ATXN10: variants seen among roughly 807,000 people sequenced by gnomAD.
ATXN10 encodes ataxin-10.
In ATXN10, 28 loss-of-function variants were observed where a neutral mutation model predicts 52.9. The observed-to-expected ratio is 0.53, with a 90% confidence interval of 0.39 to 0.73. The LOEUF (loss-of-function observed/expected upper bound fraction) is 0.73. Among genes scored for constraint, ATXN10 ranks in the 30% least tolerant of loss-of-function variants. The pLI is 0.00. For missense variants in ATXN10, 565 were observed against 577.0 expected, an observed-to-expected ratio of 0.98 and a Z score of 0.21; for synonymous variants, 226 against 221.5, an observed-to-expected ratio of 1.02 and a Z score of -0.18.
At chr22:45,685,041 T>C (rs1923080258) in intron 1 of ATXN10, among the ~76,000 whole-genome samples, 1 of 151,898 alleles carries the variant, frequency 6.6e-6, no homozygotes, top group Non-Finnish European at 1.5e-5. Flanking sequence ...TTAGAATAAA[T>C]CTTTTAACAA....
At position 45,681,662 on chromosome 22, in the gene ATXN10, A is replaced by G. The variant is rs1324637359; in HGVS notation, c.117-8050A>G. Among the ~76,000 whole-genome samples, 1 of 152,202 alleles carries G rather than the reference A, an allele frequency of 6.6e-6. No homozygotes were observed. Among genetic ancestry groups the G allele is most frequent in the African/African-American group, 2.4e-5 (1 of 41,452 alleles). ...TTTGCGACAGTACCCAAATAGCTGA[A>G]CAAGGCTAGAGAAAAACATACAGCC... On this transcript the variant is annotated intron_variant, in intron 1 of 11. Transcript: ENST00000252934. This position sits in a 1 kb window ranked among gnomAD's most constrained non-coding sequence, Gnocchi z 4.2.
At chr22:45,817,641 T>G (rs6007166) in intron 10 of ATXN10, among the ~76,000 whole-genome samples, 5,991 of 152,006 alleles carry the variant, frequency 0.039, 431 homozygotes, top group African/African-American at 0.14. Context: ...TTTTTTTTTT[T>G]AAGTTGTATA....
chr22:45,687,530 G>A (rs1182202308), intron 1 of ATXN10, among the ~76,000 whole-genome samples: 1 of 152,170 alleles, frequency 6.6e-6, no homozygotes, highest in Non-Finnish European at 1.5e-5. Context: ...GAAAAGAGAG[G>A]CGTTATTGAA....
chr22:45,707,976 G>T (rs1924106086), intron 5 of ATXN10, among the ~76,000 whole-genome samples: 1 of 152,032 alleles, frequency 6.6e-6, no homozygotes, highest in Non-Finnish European at 1.5e-5. Flanking sequence ...AAAACTACAT[G>T]GTCTTAGAAT....
rs1465655404 is a variant in ATXN10 at position 45,684,902 on chromosome 22, G to A, written c.117-4810G>A. 6.6e-6 allele frequency among the ~76,000 whole-genome samples: 1 copy of A among 152,150 alleles called. No homozygotes were observed. Among genetic ancestry groups the A allele is most frequent in the East Asian group, 1.9e-4 (1 of 5,196 alleles). Reference sequence around the variant, plus strand: ...TGCCCAGTCAAATCAGCAAGATTATGGTTTTAGATAACAACCAGTGATTGT... The same window carrying A: ...TGCCCAGTCAAATCAGCAAGATTATAGTTTTAGATAACAACCAGTGATTGT... On this transcript the variant is annotated intron_variant, in intron 1 of 11. Transcript: ENST00000252934. This position sits in a 1 kb window ranked among gnomAD's most constrained non-coding sequence, Gnocchi z 4.1.
rs1346971246 is a variant in ATXN10 at position 45,732,324 on chromosome 22, T to G, written c.894+2734T>G. On this transcript the variant is annotated intron_variant, in intron 7 of 11. Coordinates refer to ENST00000252934, the MANE Select transcript of ATXN10 (RefSeq NM_013236.4). The surrounding 1 kb of genome is among the most constrained non-coding windows in gnomAD (Gnocchi z 4.5). Reference sequence around the variant, plus strand: ...AACACAAAGAATTAGCTGGGTGTGGTGGTGTGTGCCTGTGTTCCTAGCCAC... The same window carrying G: ...AACACAAAGAATTAGCTGGGTGTGGGGGTGTGTGCCTGTGTTCCTAGCCAC... 6.6e-6 allele frequency among the ~76,000 whole-genome samples: 1 copy of G among 150,886 alleles called. No homozygotes were observed. The highest frequency in any genetic ancestry group is 1.5e-5 in the Non-Finnish European group (1 of 67,772).
intron 1 of ATXN10, 105 bp downstream of exon 1, chr22:45,672,284 G>A: frequency 1.7e-6 from 2 of 1,190,552 alleles, no homozygotes; most frequent in Non-Finnish European, 2.1e-6. Flanking sequence ...CGCTGGAGAC[G>A]CGGAGGGCGA....
chr22:45,758,705 G>A (rs961649051), intron 9 of ATXN10, among the ~76,000 whole-genome samples: 2 of 152,238 alleles, frequency 1.3e-5, no homozygotes, highest in Non-Finnish European at 2.9e-5. Context: ...TAGCCACTGC[G>A]GAGCGCCAGG....
At chr22:45,673,015 C>G (rs920661633) in intron 1 of ATXN10, 1 of 152,228 alleles carries the variant, frequency 6.6e-6, no homozygotes, top group African/African-American at 2.4e-5. Flanking sequence ...CTCTGGGCCT[C>G]AGTTTTCTTG....
At chr22:45,680,252 G>A (rs1922865406) in intron 1 of ATXN10, 1 of 152,158 alleles carries the variant, frequency 6.6e-6, no homozygotes, top group Admixed American at 6.5e-5. Flanking sequence ...CAGTTTAAGT[G>A]TTAGCGTTTT....
At position 45,678,380 on chromosome 22, in the gene ATXN10, C is replaced by T. The variant is rs973657255; in HGVS notation, c.116+6201C>T. 1 of 152,086 alleles carries T rather than the reference C, an allele frequency of 6.6e-6. No individual in the cohort carries two copies. Among genetic ancestry groups the T allele is most frequent in the Non-Finnish European group, 1.5e-5 (1 of 68,026 alleles). The allele number at this position is 152,086 out of a possible 1,614,324, so 9.4% of individuals were successfully genotyped here. On this transcript the variant is annotated intron_variant, in intron 1 of 11. Coordinates refer to ENST00000252934, the MANE Select transcript of ATXN10 (RefSeq NM_013236.4). This position sits in a 1 kb window ranked among gnomAD's most constrained non-coding sequence, Gnocchi z 4.1. ...TATAAACAAATCCATAGTAAGGTGC[C>T]TCTGCATCCCTATTAGAATGGCTAT...
At chr22:45,725,916 TA>T (rs1392061537) in intron 6 of ATXN10, among the ~76,000 whole-genome samples, 3 of 152,180 alleles carry the variant, frequency 2.0e-5, no homozygotes, top group East Asian at 1.9e-4. Context: ...GGGATGATCA[TA>T]TTTTTTTTGT....
chr22:45,753,992 T>G (rs1272794468), intron 9 of ATXN10, among the ~76,000 whole-genome samples: 1 of 152,216 alleles, frequency 6.6e-6, no homozygotes, highest in Non-Finnish European at 1.5e-5. Context: ...TCCAGGAACC[T>G]TGTCCTAGTT....
Position 45,689,727 on chromosome 22 carries a change from G to A in ATXN10, c.132G>A (p.Arg44=), listed in dbSNP as rs1923295445. 6.2e-7 allele frequency: 1 copy of A among 1,613,986 alleles called. No individual in the cohort carries two copies. Among genetic ancestry groups the A allele is most frequent in the Non-Finnish European group, 8.5e-7 (1 of 1,179,934 alleles). Residue 44 remains arginine, a synonymous_variant, in exon 2 of 12, where the codon AGG becomes AGA. Transcript: ENST00000252934. The part of the protein sequence containing the change: ...KEQRNRETAP[R]TIFQRVLDIL... ...CCTTTTTCAGAGAAACAGCACCCAG[G>A]ACTATCTTCCAAAGAGTTCTGGATA...
chr22:45,691,522 A>G (rs1008803943), intron 2 of ATXN10, among the ~76,000 whole-genome samples: 4 of 152,246 alleles, frequency 2.6e-5, no homozygotes, highest in Middle Eastern at 3.2e-3. Context: ...GGCTGGGAAC[A>G]TTCTCTCCAT....
intron 10 of ATXN10, among the ~76,000 whole-genome samples, chr22:45,812,537 G>A (rs17575248): frequency 0.086 from 13,073 of 152,180 alleles, 728 homozygotes; most frequent in Middle Eastern, 0.15. Flanking sequence ...TTTGACTCGG[G>A]TAAATTAAGT....
At chr22:45,821,147 A>G (rs1252421787) in intron 10 of ATXN10, among the ~76,000 whole-genome samples, 1 of 152,186 alleles carries the variant, frequency 6.6e-6, no homozygotes, top group East Asian at 1.9e-4. Context: ...ATATTTTCCC[A>G]GTTTTTTGAG....
intron 9 of ATXN10, among the ~76,000 whole-genome samples, chr22:45,794,146 G>A (rs978530888): frequency 6.6e-6 from 1 of 152,154 alleles, no homozygotes; most frequent in Admixed American, 6.5e-5. Context: ...ATATTGGTGG[G>A]TATGTCTTAT....
chr22:45,758,666 G>A (rs565626030), intron 9 of ATXN10, among the ~76,000 whole-genome samples: 1 of 152,344 alleles, frequency 6.6e-6, no homozygotes, highest in South Asian at 2.1e-4. Flanking sequence ...CACTGGCCAT[G>A]TGTTTGCACA....
Sources: gnomAD v4.1 joint callset for allele counts (sites outside exome capture counted in the v4.1 genomes callset) on GRCh38, gnomAD v4.1.1 for gene constraint, Gnocchi (gnomAD v3.1) non-coding constraint, MANE v1.5 for transcripts, NCBI Gene and HGNC (gene_info 2026-07-23, HGNC 2026-07-21) for gene names.